Variants in DLGAP4 observed in about 807,000 individuals in gnomAD.
DLGAP4 encodes DLG associated protein 4.
DLGAP4 carries 18 observed loss-of-function variants against 86.9 expected under a neutral mutation model. That is an observed-to-expected ratio of 0.21 (90% CI 0.14 to 0.31). DLGAP4 has a LOEUF of 0.31. DLGAP4 is among the 10% of genes least tolerant of loss of function. The pLI, the probability that DLGAP4 is intolerant of heterozygous loss-of-function variation, is 1.00. For missense variants in DLGAP4, 1,085 were observed against 1,362.6 expected, an observed-to-expected ratio of 0.80 and a Z score of 3.21; for synonymous variants, 548 against 574.3, an observed-to-expected ratio of 0.95 and a Z score of 0.65.
At chr20:36,378,018 C>T (rs1415998517) in intron 2 of DLGAP4, among the ~76,000 whole-genome samples, 1 of 152,224 alleles carries the variant, frequency 6.6e-6, no homozygotes, top group Non-Finnish European at 1.5e-5. Context: ...TACAGCCTTG[C>T]TGATTAGGGT....
At chr20:36,325,540 T>A (rs1555890948) in intron 1 of DLGAP4, among the ~76,000 whole-genome samples, 1 of 152,198 alleles carries the variant, frequency 6.6e-6, no homozygotes, top group African/African-American at 2.4e-5. Flanking sequence ...GAGAGAGAGC[T>A]ATAGACATCT....
chr20:36,347,378 G>A (rs549019049), intron 1 of DLGAP4, among the ~76,000 whole-genome samples: 11 of 152,212 alleles, frequency 7.2e-5, no homozygotes, highest in African/African-American at 2.4e-4. Context: ...GAGTCAGGGG[G>A]CAGATGGGGC....
chr20:36,469,560 C>T (rs957433866), intron 7 of DLGAP4, among the ~76,000 whole-genome samples: 2 of 152,028 alleles, frequency 1.3e-5, no homozygotes, highest in Non-Finnish European at 2.9e-5. Context: ...CGAGACCAGC[C>T]TGGCCAACAT....
chr20:36,342,772 A>G (rs2065396855), intron 1 of DLGAP4, among the ~76,000 whole-genome samples: 1 of 152,222 alleles, frequency 6.6e-6, no homozygotes, highest in South Asian at 2.1e-4. Flanking sequence ...TCTAGTGGGC[A>G]GCAGAAATCA....
At position 36,496,905 on chromosome 20, in the gene DLGAP4, C is replaced by T; in HGVS notation, c.1849C>T (p.Arg617Ter). The T allele has an allele frequency of 1.2e-6, 2 of 1,614,184 alleles. No individual in the cohort carries two copies. Among genetic ancestry groups the T allele is most frequent in the Non-Finnish European group, 1.7e-6 (2 of 1,180,028 alleles). Residue 617 changes from arginine to a stop codon, truncating the protein, a stop_gained, in exon 8 of 13, where the codon CGA becomes TGA. Coordinates refer to ENST00000339266, the MANE Select transcript of DLGAP4 (RefSeq NM_001365621.2). LOFTEE classifies it high-confidence loss of function. ...GTCGGACAGCCTGGACAGCAGTACC[C>T]GACCGCCCAGCGTGACACGGGGTGG... ...NSSDSLDSSTRPPSVTRGGVA... is the reference protein window; with the variant it reads ...NSSDSLDSST
chr20:36,427,335 G>A (rs1263147395), intron 2 of DLGAP4, among the ~76,000 whole-genome samples: 4 of 152,040 alleles, frequency 2.6e-5, no homozygotes, highest in South Asian at 4.1e-4. Flanking sequence ...AAAATTAGCC[G>A]GATGTGGTGG....
chr20:36,465,467 A>G (rs2034307780), intron 7 of DLGAP4: 2 of 152,468 alleles, frequency 1.3e-5, no homozygotes, highest in Non-Finnish European at 2.9e-5. Context: ...CCTCTTCTCC[A>G]CAGCCCGCAG....
chr20:36,504,008 T>TTTTTTA (rs1449499720), intron 10 of DLGAP4, among the ~76,000 whole-genome samples: 1 of 152,284 alleles, frequency 6.6e-6, no homozygotes, highest in South Asian at 2.1e-4. Context: ...CATGTACAAG[T>TTTTTTA]TTTTTATGGA....
intron 10 of DLGAP4, among the ~76,000 whole-genome samples, chr20:36,520,579 T>G (rs935003456): frequency 2.6e-5 from 4 of 152,188 alleles, no homozygotes; most frequent in Non-Finnish European, 4.4e-5. Context: ...ACTCCTGACC[T>G]CAAGTGATAC....
At chr20:36,511,585 A>G (rs1039397029) in intron 10 of DLGAP4, among the ~76,000 whole-genome samples, 1 of 151,696 alleles carries the variant, frequency 6.6e-6, no homozygotes, top group Non-Finnish European at 1.5e-5. Context: ...CATTTAAAAA[A>G]TATTTGCGGC....
At chr20:36,464,576 G>A (rs907038160) in intron 7 of DLGAP4, among the ~76,000 whole-genome samples, 7 of 152,066 alleles carry the variant, frequency 4.6e-5, no homozygotes, top group South Asian at 2.1e-4. Flanking sequence ...TCGACCGGGC[G>A]CGCTGGCTCA....
At chr20:36,463,128 G>C (rs2034176372) in intron 7 of DLGAP4, among the ~76,000 whole-genome samples, 1 of 152,232 alleles carries the variant, frequency 6.6e-6, no homozygotes, top group Non-Finnish European at 1.5e-5. Context: ...GCTGAGATTC[G>C]ATTCAGGATG....
rs551657986 is a variant in DLGAP4 at position 36,468,988 on chromosome 20, G to A, written c.1648+22051G>A. 7.6e-4 allele frequency among the ~76,000 whole-genome samples: 116 copies of A among 152,212 alleles called. 1 individual carries two copies. The highest frequency in any genetic ancestry group is 6.5e-4 in the Non-Finnish European group (44 of 68,004). ...GTTCTGGATCTTTAATATTTGTTTA[G>A]TTTGTTTTGATTTGCAGAGCACTTT... On this transcript the variant is annotated intron_variant, in intron 7 of 12. Coordinates refer to ENST00000339266, the MANE Select transcript of DLGAP4 (RefSeq NM_001365621.2).
chr20:36,310,181 AAAGAAAGAAAGAAAGAAAGAAAG>A (rs1311180712), intron 1 of DLGAP4, among the ~76,000 whole-genome samples: 4 of 2,234 alleles, frequency 1.8e-3, no homozygotes, highest in South Asian at 0.021. Flanking sequence ...AAAAAAAAAA[AAAGAAAGAAAGAAAGAAAGAAAG>A]AAAGAAAGAA....
At chr20:36,369,456 G>C (rs1453519866) in intron 2 of DLGAP4, among the ~76,000 whole-genome samples, 1 of 152,172 alleles carries the variant, frequency 6.6e-6, no homozygotes, top group African/African-American at 2.4e-5. Context: ...AGCCAGGTGT[G>C]GTGGCAGGCG....
At chr20:36,332,178 A>T (rs1555891623) in intron 1 of DLGAP4, among the ~76,000 whole-genome samples, 1 of 151,952 alleles carries the variant, frequency 6.6e-6, no homozygotes, top group South Asian at 2.1e-4. Context: ...TCTGGACGGG[A>T]TGGAGAGGAT....
At chr20:36,380,078 G>A (rs541143898) in intron 2 of DLGAP4, among the ~76,000 whole-genome samples, 1 of 151,924 alleles carries the variant, frequency 6.6e-6, no homozygotes, top group South Asian at 2.1e-4. Flanking sequence ...ACCTGCTCAG[G>A]GGACTGTGGT....
intron 2 of DLGAP4, among the ~76,000 whole-genome samples, chr20:36,419,845 T>C (rs2032771992): frequency 6.6e-6 from 1 of 152,306 alleles, no homozygotes; most frequent in South Asian, 2.1e-4. Context: ...ATCTCCACAA[T>C]ATCCTATTGG....
At chr20:36,381,310 A>G (rs1402966351) in intron 2 of DLGAP4, among the ~76,000 whole-genome samples, 1 of 152,224 alleles carries the variant, frequency 6.6e-6, no homozygotes, top group Non-Finnish European at 1.5e-5. Context: ...CTCTACTTCA[A>G]TCAGTGTCAA....
Sources: allele counts gnomAD v4.1 joint callset (sites outside exome capture counted in the v4.1 genomes callset), GRCh38; gene constraint gnomAD v4.1.1; transcripts MANE v1.5; gene names NCBI Gene and HGNC (gene_info 2026-07-23, HGNC 2026-07-21).